The following TAFA5 variants were observed in gnomAD, a reference collection of about 807,000 sequenced individuals.
The protein encoded by TAFA5 is TAFA chemokine like family member 5, also known as chemokine-like protein TAFA-5.
TAFA5 carries 6 observed loss-of-function variants against 15.3 expected under a neutral mutation model. That is an observed-to-expected ratio of 0.39 (90% CI 0.21 to 0.77). TAFA5 has a LOEUF of 0.77. TAFA5 is among the 30% of genes least tolerant of loss of function. TAFA5 has a pLI of 0.41. For synonymous variants in TAFA5, 103 were observed against 80.7 expected, an observed-to-expected ratio of 1.28 and a Z score of -1.48; for missense variants, 161 against 193.1, an observed-to-expected ratio of 0.83 and a Z score of 0.98.
chr22:48,574,838 G>A (rs904985741), intron 1 of TAFA5, among the ~76,000 whole-genome samples: 1 of 152,206 alleles, frequency 6.6e-6, no homozygotes, highest in African/African-American at 2.4e-5. Flanking sequence ...AGCGGGGTTG[G>A]GGAGCAAAAG....
intron 3 of TAFA5, among the ~76,000 whole-genome samples, chr22:48,720,206 A>G (rs970578931): frequency 6.6e-6 from 1 of 151,936 alleles, no homozygotes; most frequent in Non-Finnish European, 1.5e-5. Context: ...AAGTTACGTT[A>G]CGTTGGGTCA....
At chr22:48,711,352 C>T (rs1929248279) in intron 3 of TAFA5, among the ~76,000 whole-genome samples, 2 of 151,340 alleles carry the variant, frequency 1.3e-5, no homozygotes, top group South Asian at 2.1e-4. Flanking sequence ...ATACATGGGC[C>T]GCGGATGCCT....
chr22:48,537,563 G>C (rs1267754973), intron 1 of TAFA5, among the ~76,000 whole-genome samples: 1 of 152,214 alleles, frequency 6.6e-6, no homozygotes, highest in African/African-American at 2.4e-5. Context: ...TCCCACAGTT[G>C]GATAAGGCTC....
At chr22:48,599,820 T>G (rs748249880) in intron 1 of TAFA5, among the ~76,000 whole-genome samples, 16 of 152,222 alleles carry the variant, frequency 1.1e-4, no homozygotes, top group Non-Finnish European at 2.1e-4. Context: ...TGTGGGGGGT[T>G]GAGCAGCATC....
At chr22:48,633,552 C>CTCTCTCTCCA (rs1569056673) in intron 1 of TAFA5, among the ~76,000 whole-genome samples, 3 of 150,404 alleles carry the variant, frequency 2.0e-5, no homozygotes, top group Admixed American at 6.6e-5. Flanking sequence ...CTCTCTCTCT[C>CTCTCTCTCCA]TCTCTCCATC....
intron 3 of TAFA5, among the ~76,000 whole-genome samples, chr22:48,741,084 C>T (rs1051590862): frequency 6.6e-6 from 1 of 152,228 alleles, no homozygotes; most frequent in Admixed American, 6.5e-5. Flanking sequence ...TTGTGTTGGA[C>T]TCTGGGTGTT....
In TAFA5 at chr22:48,600,346, A is replaced by G. The variant is rs190995876; in HGVS notation, c.113-46251A>G. 4.1e-3 allele frequency among the ~76,000 whole-genome samples: 619 copies of G among 152,302 alleles called. 3 individuals are homozygous for G. Among genetic ancestry groups the G allele is most frequent in the African/African-American group, 0.014 (601 of 41,572 alleles). On this transcript the variant is annotated intron_variant, in intron 1 of 3. Coordinates refer to ENST00000402357, the MANE Select transcript of TAFA5 (RefSeq NM_001082967.3). ...CAGGGACACAGGAGGCCAGGGTGGC[A>G]TCCTGCCTCCTACTTGCGCAGGTCC...
chr22:48,605,836 C>T (rs1009673857), intron 1 of TAFA5, among the ~76,000 whole-genome samples: 7 of 152,188 alleles, frequency 4.6e-5, no homozygotes, highest in Admixed American at 1.3e-4. Context: ...TCCCCACCCA[C>T]AGTTGGGATG....
chr22:48,621,322 C>T (rs1197195613), intron 1 of TAFA5, among the ~76,000 whole-genome samples: 1 of 150,974 alleles, frequency 6.6e-6, no homozygotes, highest in East Asian at 2.0e-4. Flanking sequence ...ATGCACCCAC[C>T]CATCCATCAT....
intron 1 of TAFA5, among the ~76,000 whole-genome samples, chr22:48,556,016 A>G (rs1375204115): frequency 1.3e-5 from 2 of 152,108 alleles, no homozygotes; most frequent in African/African-American, 4.8e-5. Context: ...GAGTCTTCTG[A>G]TGACTTTGGG....
chr22:48,553,124 G>T (rs1922914866), intron 1 of TAFA5, among the ~76,000 whole-genome samples: 1 of 152,074 alleles, frequency 6.6e-6, no homozygotes, highest in Non-Finnish European at 1.5e-5. Context: ...TTCCTCTCTA[G>T]ACATCCTCCT....
intron 1 of TAFA5, among the ~76,000 whole-genome samples, chr22:48,613,950 C>CG (rs1369905675): frequency 6.6e-6 from 1 of 152,230 alleles, no homozygotes. Flanking sequence ...CGCTTCCCAC[C>CG]ACCCCCGGCT....
At chr22:48,575,755 G>A (rs1923754761) in intron 1 of TAFA5, among the ~76,000 whole-genome samples, 1 of 145,228 alleles carries the variant, frequency 6.9e-6, no homozygotes, top group East Asian at 2.0e-4. Context: ...CGCCAGCCCC[G>A]GGCCGCGCAA....
intron 3 of TAFA5, 106 bp from the exon 4 acceptor site, chr22:48,749,733 A>C (rs904308186): frequency 3.0e-6 from 4 of 1,335,982 alleles, no homozygotes; most frequent in Non-Finnish European, 4.2e-6. Context: ...CAGGCCCTCC[A>C]GGAGGCCGGC....
chr22:48,660,858 T>TCCTGGCCCTGGGGTG (rs1046065044), intron 2 of TAFA5, among the ~76,000 whole-genome samples: 3 of 152,190 alleles, frequency 2.0e-5, no homozygotes, highest in South Asian at 2.1e-4. Flanking sequence ...CTCTCAGAGC[T>TCCTGGCCCTGGGGTG]CCTGGCCCTG....
At chr22:48,527,190 A>T (rs1277721885) in intron 1 of TAFA5, among the ~76,000 whole-genome samples, 1 of 152,184 alleles carries the variant, frequency 6.6e-6, no homozygotes, top group Non-Finnish European at 1.5e-5. Flanking sequence ...CTCTGGGGCA[A>T]TGCTAGAGTC....
intron 1 of TAFA5, among the ~76,000 whole-genome samples, chr22:48,533,769 AC>A (rs1922052501): frequency 1.5e-5 from 2 of 130,742 alleles, no homozygotes; most frequent in Non-Finnish European, 3.5e-5. Context: ...ATTTCCCCAA[AC>A]CTTTTTTTTT....
intron 2 of TAFA5, among the ~76,000 whole-genome samples, chr22:48,653,236 G>A (rs1192304363): frequency 6.6e-6 from 1 of 152,236 alleles, no homozygotes; most frequent in Non-Finnish European, 1.5e-5. Flanking sequence ...ATTCTGCCTG[G>A]ATCCAGATGG....
intron 1 of TAFA5, among the ~76,000 whole-genome samples, chr22:48,491,055 C>T (rs1469767094): frequency 2.0e-5 from 3 of 152,204 alleles, no homozygotes; most frequent in Non-Finnish European, 2.9e-5. Flanking sequence ...TGCTGTGGCA[C>T]CGAGCGGGGA....
Sources: allele counts gnomAD v4.1 joint callset (sites outside exome capture counted in the v4.1 genomes callset), GRCh38; gene constraint gnomAD v4.1.1; transcripts MANE v1.5; gene names NCBI Gene and HGNC (gene_info 2026-07-23, HGNC 2026-07-21).